Variants in DYSF observed in about 807,000 individuals in gnomAD.
The protein encoded by DYSF is dystrophy-associated fer-1-like 1.
DYSF carries 212 observed loss-of-function variants against 274.9 expected under a neutral mutation model. That is an observed-to-expected ratio of 0.77 (90% CI 0.69 to 0.86). The LOEUF (loss-of-function observed/expected upper bound fraction) is 0.86. DYSF is among the 40% of genes least tolerant of loss of function. The pLI, the probability that DYSF is intolerant of heterozygous loss-of-function variation, is 0.00. For missense variants in DYSF, 2,666 were observed against 2,783.2 expected, an observed-to-expected ratio of 0.96 and a Z score of 0.95; for synonymous variants, 1,091 against 1,078.7, an observed-to-expected ratio of 1.01 and a Z score of -0.22.
At chr2:71,638,988 A>G (rs1471014478) in intron 41 of DYSF, among the ~76,000 whole-genome samples, 3 of 152,200 alleles carry the variant, frequency 2.0e-5, no homozygotes, top group Non-Finnish European at 4.4e-5. Context: ...GTCTTCACCA[A>G]CACTTATTAT....
In DYSF at chr2:71,478,298, G is replaced by A. The variant is rs1405230164; in HGVS notation, c.92-2585G>A. On this transcript the variant is annotated intron_variant, in intron 1 of 55. Transcript: ENST00000410020. Reference sequence around the variant, plus strand: ...GCCATCTCGGCTCACTGCAAGCCCCGCCTCCTGGGTTCACGCCATTCTCCT... The same window carrying A: ...GCCATCTCGGCTCACTGCAAGCCCCACCTCCTGGGTTCACGCCATTCTCCT... Among the ~76,000 whole-genome samples the A allele has an allele frequency of 6.0e-5, 9 of 150,078 alleles. 1 individual carries two copies. In the East Asian group the frequency reaches 9.9e-4, roughly 16 times the overall value.
intron 27 of DYSF, 78 bp from the exon 28 acceptor site, chr2:71,570,151 C>G: frequency 2.2e-6 from 3 of 1,357,512 alleles, no homozygotes; most frequent in Non-Finnish European, 3.2e-6. Flanking sequence ...CGTATGTTGT[C>G]AAGTTGCATC....
At chr2:71,621,208 G>A (rs1469417611) in intron 41 of DYSF, among the ~76,000 whole-genome samples, 8 of 152,078 alleles carry the variant, frequency 5.3e-5, no homozygotes, top group African/African-American at 1.7e-4. Context: ...CGCTCCTGAA[G>A]TCCCATGGTG....
intron 12 of DYSF, among the ~76,000 whole-genome samples, chr2:71,521,136 A>G (rs1052977598): frequency 6.6e-6 from 1 of 152,196 alleles, no homozygotes; most frequent in South Asian, 2.1e-4. Context: ...GAGAGCTATT[A>G]TTGTCTCATT....
chr2:71,513,802 G>T lies in DYSF; in HGVS notation c.640G>T (p.Ala214Ser), dbSNP rs759455142. The change falls in exon 7 of 56, where the codon GCT becomes TCT. Residue 214 changes from alanine to serine, a missense_variant. Physicochemically the swap from Ala to Ser is moderately conservative, Grantham distance 99. Around this residue, in one of 3 missense-constraint regions of DYSF, gnomAD observed 794 missense variants for 777.1 expected, o/e 1.02. Coordinates refer to ENST00000410020, the MANE Select transcript of DYSF (RefSeq NM_001130987.2). Reference protein sequence around the residue: ...PFLDQSGGPGAPTTPRKLPSR... With the variant: ...PFLDQSGGPGSPTTPRKLPSR... ...CCTGGATCAAAGCGGAGGCCCGGGG[G>T]CTCCCACCACCCCAAGGAAACTACC... 2.5e-6 allele frequency: 4 copies of T among 1,614,168 alleles called. No individual in the cohort carries two copies. The South Asian group carries it at 3.3e-5, about 13-fold the overall frequency.
chr2:71,549,465 G>A, intron 17 of DYSF: 4 of 1,458,676 alleles, frequency 2.7e-6, no homozygotes, highest in Non-Finnish European at 3.8e-6. Flanking sequence ...GAGGGTGCTG[G>A]AGGCATGGGG....
At chr2:71,568,616 A>G (rs1189974329) in intron 26 of DYSF, among the ~76,000 whole-genome samples, 1 of 151,474 alleles carries the variant, frequency 6.6e-6, no homozygotes, top group African/African-American at 2.4e-5. Flanking sequence ...GCTGGAGTGC[A>G]GTAGCATGAT....
chr2:71,618,622 G>GGAGTGCGTGTGTGTGGAGTAGAGGT (rs2094006463), intron 40 of DYSF, among the ~76,000 whole-genome samples: 1 of 78,926 alleles, frequency 1.3e-5, no homozygotes, highest in African/African-American at 4.4e-5. Flanking sequence ...TGGTAGAGGT[G>GGAGTGCGTGTGTGTGGAGTAGAGGT]GTGTGTGTGT....
chr2:71,470,382 GA>G (rs1012321857), intron 1 of DYSF, among the ~76,000 whole-genome samples: 2 of 152,122 alleles, frequency 1.3e-5, no homozygotes, highest in African/African-American at 4.8e-5. Flanking sequence ...TTAAAATATT[GA>G]AAACAGCGGC....
At chr2:71,519,010 T>C (rs1001260671) in intron 10 of DYSF, among the ~76,000 whole-genome samples, 3 of 144,628 alleles carry the variant, frequency 2.1e-5, no homozygotes, top group African/African-American at 7.8e-5. Context: ...GGAGAATCGC[T>C]TGAACCTGGG....
At chr2:71,617,878 G>GT (rs2093937901) in intron 40 of DYSF, among the ~76,000 whole-genome samples, 1 of 31,858 alleles carries the variant, frequency 3.1e-5, no homozygotes, top group African/African-American at 7.3e-5. Context: ...GGTAGAGGTG[G>GT]GGTGTGTGTG....
At chr2:71,544,607 C>T (rs2090316652) in intron 17 of DYSF, among the ~76,000 whole-genome samples, 1 of 152,004 alleles carries the variant, frequency 6.6e-6, no homozygotes, top group African/African-American at 2.4e-5. Context: ...TTACAGTTGT[C>T]TGCCACCATA....
At chr2:71,483,491 A>C (rs572102655) in intron 3 of DYSF, among the ~76,000 whole-genome samples, 12 of 152,206 alleles carry the variant, frequency 7.9e-5, no homozygotes, top group African/African-American at 2.2e-4. Context: ...CAGCGTGTGG[A>C]TGTGGCGGGC....
intron 51 of DYSF, among the ~76,000 whole-genome samples, chr2:71,670,160 T>C (rs2095094610): frequency 6.6e-6 from 1 of 152,052 alleles, no homozygotes; most frequent in Non-Finnish European, 1.5e-5. Context: ...TCTTCCACCA[T>C]CTTTCCCATC....
chr2:71,490,506 A>G (rs1193514751), intron 3 of DYSF, among the ~76,000 whole-genome samples: 2 of 151,994 alleles, frequency 1.3e-5, no homozygotes, highest in African/African-American at 4.8e-5. Context: ...CGCCCAGCTG[A>G]TTTTTGTATT....
chr2:71,466,647 C>T (rs2081552109), upstream of DYSF: 2 of 1,307,588 alleles, frequency 1.5e-6, no homozygotes, highest in Middle Eastern at 3.0e-4. Context: ...GGGGGAGGGT[C>T]CGCCCAGCGG....
intron 1 of DYSF, among the ~76,000 whole-genome samples, chr2:71,468,998 T>G (rs1355208163): frequency 6.6e-6 from 1 of 152,192 alleles, no homozygotes; most frequent in African/African-American, 2.4e-5. Context: ...TGATTGTTCC[T>G]GAGAATCACT....
chr2:71,473,918 A>ATTTTTTTTTTTT (rs10659171), intron 1 of DYSF, among the ~76,000 whole-genome samples: 2 of 83,808 alleles, frequency 2.4e-5, no homozygotes, highest in Non-Finnish European at 4.3e-5. Context: ...TTTCTGTATG[A>ATTTTTTTTTTTT]TTTTTTTTTT....
chr2:71,609,500 G>T (rs940833579), intron 36 of DYSF, among the ~76,000 whole-genome samples: 1 of 152,178 alleles, frequency 6.6e-6, no homozygotes, highest in Non-Finnish European at 1.5e-5. Flanking sequence ...TCTAGTAATA[G>T]TTACAGTCAC....
Sources: gnomAD v4.1 joint callset for allele counts (sites outside exome capture counted in the v4.1 genomes callset) on GRCh38, gnomAD v4.1.1 for gene constraint, gnomAD v4.1.1 regional missense constraint, MANE v1.5 for transcripts, NCBI Gene and HGNC (gene_info 2026-07-23, HGNC 2026-07-21) for gene names.